The following CLCN4 variants were observed in gnomAD, a reference collection of about 807,000 sequenced individuals.
CLCN4 encodes Cl-/H+ antiporter 4.
In CLCN4, 1 loss-of-function variant was observed where a neutral mutation model predicts 41.7. The ratio of observed to expected loss-of-function variants is 0.02; its 90% CI spans 0.01 to 0.11. The LOEUF is 0.11. Ranked by LOEUF, CLCN4 falls within the 10% of genes least tolerant of loss-of-function variation. CLCN4 has a pLI of 1.00. For synonymous variants in CLCN4, 277 were observed against 285.8 expected, an observed-to-expected ratio of 0.97 and a Z score of 0.31; for missense variants, 287 against 661.0, an observed-to-expected ratio of 0.43 and a Z score of 6.20.
At chrX:10,220,171 G>A (rs900854296) in intron 11 of CLCN4, among the ~76,000 whole-genome samples, 15 of 111,923 alleles carry the variant, frequency 1.3e-4, no homozygotes, top group Admixed American at 9.5e-4. Flanking sequence ...TGGGCTGGCC[G>A]TATTGGTTTC....
chrX:10,166,821 C>T (rs759134351), intron 2 of CLCN4, among the ~76,000 whole-genome samples: 1 of 112,142 alleles, frequency 8.9e-6, no homozygotes, highest in African/African-American at 3.2e-5. Context: ...CAGCCCAGCC[C>T]TCCTGTCCCT....
At chrX:10,173,819 C>T (rs753756941) in intron 2 of CLCN4, among the ~76,000 whole-genome samples, 3 of 111,974 alleles carry the variant, frequency 2.7e-5, no homozygotes, top group South Asian at 3.7e-4. Flanking sequence ...GGGAAAGAAA[C>T]CCAGGGAATC....
At chrX:10,183,884 A>C (rs1358826991) in intron 2 of CLCN4, among the ~76,000 whole-genome samples, 2 of 112,351 alleles carry the variant, frequency 1.8e-5, no homozygotes, top group Non-Finnish European at 3.8e-5. Context: ...TCTGTCCTGG[A>C]GCTCCTTGCC....
intron 2 of CLCN4, among the ~76,000 whole-genome samples, chrX:10,162,988 A>G (rs1420927737): frequency 8.8e-6 from 1 of 113,345 alleles, no homozygotes; most frequent in Non-Finnish European, 1.9e-5. Context: ...TGTAATTGAA[A>G]ATGTTCATAA....
intron 2 of CLCN4, among the ~76,000 whole-genome samples, chrX:10,169,394 A>C (rs1923325675): frequency 9.0e-6 from 1 of 111,274 alleles, no homozygotes; most frequent in Admixed American, 9.6e-5. Flanking sequence ...GGCTCCATTG[A>C]TTCTGTGTCG....
intron 4 of CLCN4, among the ~76,000 whole-genome samples, chrX:10,191,239 T>C (rs781665185): frequency 1.2e-4 from 13 of 112,504 alleles, no homozygotes; most frequent in Admixed American, 1.1e-3. Flanking sequence ...GCTTTCTGTC[T>C]CTATGGATTT....
chrX:10,169,786 CTTTTCTTTTT>C (rs1569223441), intron 2 of CLCN4, among the ~76,000 whole-genome samples: 2 of 51,016 alleles, frequency 3.9e-5, no homozygotes, highest in African/African-American at 2.6e-4. Flanking sequence ...TTTTTCTTTT[CTTTTCTTTTT>C]TTTTTTTTTT....
intron 6 of CLCN4, among the ~76,000 whole-genome samples, chrX:10,198,496 G>A (rs768327137): frequency 8.9e-6 from 1 of 112,618 alleles, no homozygotes; most frequent in Non-Finnish European, 1.9e-5. Context: ...GTGGAGGTTT[G>A]TTGCTGTGAA....
At chrX:10,166,697 T>A (rs1307143926) in intron 2 of CLCN4, among the ~76,000 whole-genome samples, 1 of 112,234 alleles carries the variant, frequency 8.9e-6, no homozygotes, top group African/African-American at 3.2e-5. Flanking sequence ...GTGCTTAGAA[T>A]GAAGCCAGGT....
intron 12 of CLCN4, among the ~76,000 whole-genome samples, chrX:10,225,633 T>C (rs1924970406): frequency 8.9e-6 from 1 of 112,371 alleles, no homozygotes; most frequent in South Asian, 3.7e-4. Flanking sequence ...TTTGTTGCAA[T>C]TGCTTTTGAG....
intron 6 of CLCN4, among the ~76,000 whole-genome samples, chrX:10,204,509 A>C (rs1924318778): frequency 9.1e-6 from 1 of 109,904 alleles, no homozygotes; most frequent in Non-Finnish European, 1.9e-5. Context: ...TGCCTCCAGC[A>C]GGGGTTGGCA....
chrX:10,160,872 G>A (rs1028441763), intron 2 of CLCN4, among the ~76,000 whole-genome samples: 18 of 111,361 alleles, frequency 1.6e-4, no homozygotes, highest in African/African-American at 4.9e-4. Flanking sequence ...GGGGCCAACC[G>A]TGCTTGCTGA....
chrX:10,195,170 A>G, intron 5 of CLCN4, 72 bp downstream of exon 5: 1 of 1,010,460 alleles, frequency 9.9e-7, no homozygotes, highest in Non-Finnish European at 1.4e-6. Context: ...CTGCTGGGAG[A>G]TTTGTGAATG....
intron 12 of CLCN4, among the ~76,000 whole-genome samples, chrX:10,225,284 G>A (rs902289211): frequency 8.9e-6 from 1 of 111,873 alleles, no homozygotes; most frequent in Non-Finnish European, 1.9e-5. Context: ...TTTAATAATT[G>A]CCATTCTGAC....
chrX:10,224,777 G>T (rs1322421251), intron 12 of CLCN4, among the ~76,000 whole-genome samples: 1 of 111,274 alleles, frequency 9.0e-6, no homozygotes, highest in Non-Finnish European at 1.9e-5. Flanking sequence ...AGTATGTGCT[G>T]TTCCTCTCCC....
intron 12 of CLCN4, among the ~76,000 whole-genome samples, chrX:10,231,154 G>A (rs1925117642): frequency 8.9e-6 from 1 of 111,989 alleles, no homozygotes; most frequent in Non-Finnish European, 1.9e-5. Context: ...TACACATTTT[G>A]ATTTTTCTCC....
At chrX:10,213,330 T>C (rs1924616418) in intron 10 of CLCN4, among the ~76,000 whole-genome samples, 2 of 112,175 alleles carry the variant, frequency 1.8e-5, no homozygotes, top group South Asian at 7.3e-4. Context: ...TCTGTGATAT[T>C]CTGTTTATGG....
At chrX:10,201,239 T>G (rs773906794) in intron 6 of CLCN4, among the ~76,000 whole-genome samples, 1 of 111,929 alleles carries the variant, frequency 8.9e-6, no homozygotes, top group African/African-American at 3.2e-5. Context: ...ACTCTTCTGT[T>G]TCTTAAACTT....
At chrX:10,197,792 T>G (rs1602151420) in intron 5 of CLCN4, 147 bp from the exon 6 acceptor site, 1 of 599,197 alleles carries the variant, frequency 1.7e-6, no homozygotes, top group East Asian at 3.4e-5. Context: ...AAACCTACGC[T>G]GGCCTTTTGG....
Sources: gnomAD v4.1 joint callset for allele counts (sites outside exome capture counted in the v4.1 genomes callset) on GRCh38, gnomAD v4.1.1 for gene constraint, MANE v1.5 for transcripts, NCBI Gene and HGNC (gene_info 2026-07-23, HGNC 2026-07-21) for gene names.